The following BMS1 variants were observed in gnomAD, a reference collection of about 807,000 sequenced individuals.
BMS1 encodes ribosome biogenesis protein BMS1 homolog.
BMS1 carries 53 observed loss-of-function variants against 138.7 expected under a neutral mutation model. The ratio of observed to expected loss-of-function variants is 0.38; its 90% CI spans 0.31 to 0.48. The LOEUF is 0.48. Among genes scored for constraint, BMS1 ranks in the 20% least tolerant of loss-of-function variants. The probability of loss-of-function intolerance (pLI) is 0.97; values close to 1 mark genes in which losing one functional copy is unlikely to be tolerated. For synonymous variants in BMS1, 504 were observed against 539.9 expected, an observed-to-expected ratio of 0.93 and a Z score of 0.92; for missense variants, 1,360 against 1,565.5, an observed-to-expected ratio of 0.87 and a Z score of 2.22.
intron 3 of BMS1, among the ~76,000 whole-genome samples, chr10:42,786,155 C>T (rs114834288): frequency 0.013 from 2,037 of 152,322 alleles, 47 homozygotes; most frequent in African/African-American, 0.046. Context: ...GCCTAGTCAC[C>T]GTGAACACAT....
chr10:42,819,562 A>G (rs1388279845), intron 15 of BMS1, among the ~76,000 whole-genome samples: 20 of 152,128 alleles, frequency 1.3e-4, no homozygotes, highest in Non-Finnish European at 1.5e-4. Flanking sequence ...GGAAACAGCC[A>G]TCAGCTGAGT....
rs1254309170 is a variant in BMS1 at position 42,803,337 on chromosome 10, GC to G, written c.2329+1121del. Among the ~76,000 whole-genome samples, 4 of 152,188 alleles carry G rather than the reference GC, an allele frequency of 2.6e-5. No individual in the cohort carries two copies. The East Asian group carries it at 5.8e-4, about 22-fold the overall frequency. ...AATATTTTGTACAGATGGGGGTCTTGCCATGTTGCCTAGCTGGCCTTGAATT... is the reference window on the plus strand; with the variant it reads ...AATATTTTGTACAGATGGGGGTCTTGCATGTTGCCTAGCTGGCCTTGAATT... On this transcript the variant is annotated intron_variant, in intron 13 of 22. Coordinates refer to ENST00000374518, the MANE Select transcript of BMS1 (RefSeq NM_014753.4).
intron 12 of BMS1, among the ~76,000 whole-genome samples, chr10:42,800,525 AT>A (rs71533043): frequency 0.15 from 20,158 of 131,216 alleles, 1,588 homozygotes; most frequent in East Asian, 0.39. Flanking sequence ...TAAATGCTTG[AT>A]TTTTTTTTTT....
intron 6 of BMS1, 70 bp from the exon 7 acceptor site, chr10:42,792,423 A>C: frequency 4.5e-6 from 7 of 1,573,004 alleles, no homozygotes; most frequent in Non-Finnish European, 6.0e-6. Flanking sequence ...GTGATGAATC[A>C]TTGACACATG....
rs1197036102 is a variant in BMS1 at position 42,830,422 on chromosome 10, G to A, written c.3618G>A (p.Lys1206=). ...PAVIREPHER[K]ILALLDALST... Reference sequence around the variant, plus strand: ...TCATACGCGAGCCTCATGAAAGAAAGGTACTGTTGCCCATGCTGTACTGCA... The same window carrying A: ...TCATACGCGAGCCTCATGAAAGAAAAGTACTGTTGCCCATGCTGTACTGCA... The change falls in exon 22 of 23, where the codon AAG becomes AAA. Residue 1206 remains lysine, a splice_region_variant and synonymous_variant. Transcript: ENST00000374518. 14 of 1,606,482 alleles carry A rather than the reference G, an allele frequency of 8.7e-6. No homozygotes were observed. Among genetic ancestry groups the A allele is most frequent in the Non-Finnish European group, 1.2e-5 (14 of 1,178,280 alleles).
rs777954291 is a variant in BMS1, at chr10:42,792,537, A to G, written c.824A>G (p.Lys275Arg). 57 of 1,611,656 alleles carry G rather than the reference A, an allele frequency of 3.5e-5. No homozygotes were observed. Among genetic ancestry groups the G allele is most frequent in the Middle Eastern group, 2.2e-4 (1 of 4,450 alleles). Residue 275 changes from lysine to arginine, a missense_variant, in exon 7 of 23, where the codon AAA (lysine) becomes AGA (arginine). Physicochemically the swap from Lys to Arg is conservative, Grantham distance 26. Around this residue, in one of 3 missense-constraint regions of BMS1, gnomAD observed 697 missense variants for 686.2 expected, o/e 1.02. Transcript: ENST00000374518. ...TNPEDIRTNIKCDRKVSLYGY... is the reference protein window; with the variant it reads ...TNPEDIRTNIRCDRKVSLYGY... ...CCAGAGGATATCCGAACAAACATCAAATGTGACCGGAAGGTGTCACTTTAT... is the reference window on the plus strand; with the variant it reads ...CCAGAGGATATCCGAACAAACATCAGATGTGACCGGAAGGTGTCACTTTAT...
chr10:42,793,649 A>G (rs1289027616), intron 8 of BMS1, among the ~76,000 whole-genome samples: 1 of 151,894 alleles, frequency 6.6e-6, no homozygotes, highest in African/African-American at 2.4e-5. Context: ...CAGGTTATAT[A>G]CTCCCTGAAC....
chr10:42,802,356 G>A, intron 13 of BMS1, 138 bp downstream of exon 13: 1 of 654,086 alleles, frequency 1.5e-6, no homozygotes, highest in Non-Finnish European at 2.4e-6. Flanking sequence ...TAATGAACCA[G>A]GTAATATTCT....
chr10:42,803,216 C>T (rs1320162595), intron 13 of BMS1, among the ~76,000 whole-genome samples: 1 of 152,116 alleles, frequency 6.6e-6, no homozygotes, highest in Non-Finnish European at 1.5e-5. Context: ...GTTTCCCAGG[C>T]TGGTCTCAAA....
intron 13 of BMS1, among the ~76,000 whole-genome samples, chr10:42,808,133 A>G (rs1013758128): frequency 6.6e-6 from 1 of 152,008 alleles, no homozygotes; most frequent in Non-Finnish European, 1.5e-5. Context: ...GCACTTTTAA[A>G]AATTGGGTTG....
intron 15 of BMS1, among the ~76,000 whole-genome samples, chr10:42,819,487 G>A (rs1024877408): frequency 6.6e-6 from 1 of 152,238 alleles, no homozygotes; most frequent in Non-Finnish European, 1.5e-5. Context: ...TGATAAGGCT[G>A]GATATGGGAG....
rs370994620 is a variant in BMS1, at chr10:42,796,975, C to T, written c.1731C>T (p.Phe577=). Residue 577 remains phenylalanine (F), a synonymous_variant, in exon 10 of 23, where the codon TTC becomes TTT. Transcript: ENST00000374518. The part of the protein sequence containing the change: ...LLMKKAALPT[F]DSGHCTAEEV... The stretch of plus-strand genomic sequence containing the variant: ...TGAAGAAAGCAGCTCTCCCCACTTT[C>T]GATTCTGGGCATTGCACAGCTGAAG... The T allele has an allele frequency of 1.8e-5, 29 of 1,614,186 alleles. No individual in the cohort carries two copies. In the African/African-American group the frequency reaches 2.3e-4, roughly 13 times the overall value.
intron 21 of BMS1, among the ~76,000 whole-genome samples, chr10:42,829,262 G>A (rs1175969955): frequency 6.6e-6 from 1 of 151,872 alleles, no homozygotes; most frequent in Admixed American, 6.6e-5. Context: ...AGTGAGCCGA[G>A]ATCATGCCAC....
chr10:42,783,175 G>A (rs945421975), intron 1 of BMS1, among the ~76,000 whole-genome samples: 3 of 152,054 alleles, frequency 2.0e-5, no homozygotes, highest in Admixed American at 6.5e-5. Flanking sequence ...ATTAGTACAA[G>A]TGCTGAACTA....
chr10:42,808,739 A>G (rs1177625887), intron 13 of BMS1, among the ~76,000 whole-genome samples: 1 of 152,102 alleles, frequency 6.6e-6, no homozygotes, highest in Non-Finnish European at 1.5e-5. Flanking sequence ...TTCGCCTGCA[A>G]TTGTATAATT....
rs544660473 is a variant in BMS1, at chr10:42,798,751, C to G, written c.2247+126C>G. ...TTTTTACAGGATTACAGGTCATTCT[C>G]CCAGATATTGTAGTGGGCGCTTCAT... On this transcript the variant is annotated intron_variant, in intron 12 of 22. Coordinates refer to ENST00000374518, the MANE Select transcript of BMS1 (RefSeq NM_014753.4). 2.2e-6 allele frequency: 3 copies of G among 1,341,702 alleles called. No homozygotes were observed. In the Admixed American group the frequency reaches 6.8e-5, roughly 31 times the overall value. 83.1% of individuals were successfully genotyped at this position (1,341,702 alleles called of 1,614,324 possible).
intron 1 of BMS1, among the ~76,000 whole-genome samples, chr10:42,784,123 A>G (rs1021161898): frequency 6.6e-6 from 1 of 152,356 alleles, no homozygotes; most frequent in African/African-American, 2.4e-5. Context: ...TTGACACTTA[A>G]GATGAATAAA....
At position 42,797,054 on chromosome 10, in the gene BMS1, G is replaced by A. The variant is rs1170307781; in HGVS notation, c.1810G>A (p.Glu604Lys). Reference protein sequence around the residue: ...SEESSSLSAEEEDSENEEAIR... With the variant: ...SEESSSLSAEKEDSENEEAIR... Reference sequence around the variant, plus strand: ...AGAAAGCTCCTCACTCAGTGCAGAGGAAGAAGACTCAGAAAATGAAGAGGC... The same window carrying A: ...AGAAAGCTCCTCACTCAGTGCAGAGAAAGAAGACTCAGAAAATGAAGAGGC... The change falls in exon 10 of 23, where the codon GAA (glutamate) becomes AAA (lysine). Residue 604 changes from glutamate to lysine, a missense_variant. Glu to Lys is a moderately conservative substitution (Grantham distance 56). Transcript: ENST00000374518. The A allele has an allele frequency of 2.5e-5, 40 of 1,614,058 alleles. No individual in the cohort carries two copies. The highest frequency in any genetic ancestry group is 3.2e-5 in the Non-Finnish European group (38 of 1,180,038).
intron 15 of BMS1, 137 bp downstream of exon 15, chr10:42,817,631 T>G (rs536260435): frequency 1.3e-6 from 1 of 781,014 alleles, no homozygotes; most frequent in African/African-American, 1.8e-5. Context: ...GACTCCTGGG[T>G]AGAGATGCAT....
Sources: allele counts gnomAD v4.1 joint callset (sites outside exome capture counted in the v4.1 genomes callset), GRCh38; gene constraint gnomAD v4.1.1; regional missense constraint gnomAD v4.1.1; transcripts MANE v1.5; gene names NCBI Gene and HGNC (gene_info 2026-07-23, HGNC 2026-07-21).